LRIG1: variants seen among roughly 807,000 people sequenced by gnomAD.
LRIG1 encodes the protein leucine-rich repeats and immunoglobulin-like domains protein 1.
A neutral mutation model predicts 99.2 loss-of-function variants in LRIG1; 48 were observed. The ratio of observed to expected loss-of-function variants is 0.48; its 90% CI spans 0.38 to 0.62. LRIG1 has a LOEUF of 0.62. Ranked by LOEUF, LRIG1 falls within the 20% of genes least tolerant of loss-of-function variation. LRIG1 has a pLI of 0.00. For synonymous variants in LRIG1, 772 were observed against 596.1 expected, an observed-to-expected ratio of 1.29 and a Z score of -4.30; for missense variants, 1,646 against 1,434.4, an observed-to-expected ratio of 1.15 and a Z score of -2.38.
chr3:66,406,795 C>A (rs551583865), intron 8 of LRIG1, among the ~76,000 whole-genome samples: 1 of 152,166 alleles, frequency 6.6e-6, no homozygotes, highest in Non-Finnish European at 1.5e-5. Context: ...TGTTAACTGA[C>A]CCCCGACGAG....
At position 66,500,179 on chromosome 3, in the gene LRIG1, G is replaced by A; in HGVS notation, c.218+11C>T. The A allele has an allele frequency of 6.6e-7, 1 of 1,513,010 alleles. No individual in the cohort carries two copies. Among genetic ancestry groups the A allele is most frequent in the Non-Finnish European group, 8.8e-7 (1 of 1,136,222 alleles). 93.7% of individuals were successfully genotyped at this position (1,513,010 alleles called of 1,614,324 possible). A position where few individuals can be genotyped will look rare whatever the true frequency, so the allele number is the denominator to read the frequency against. On this transcript the variant is annotated intron_variant, in intron 1 of 18. Transcript: ENST00000273261. ...CCGGGGCGCAGAGAGGGCGGAAAGG[G>A]CGGCACTCACAGGCTCCGCGTCCAG...
At chr3:66,456,111 T>C (rs17044628) in intron 2 of LRIG1, among the ~76,000 whole-genome samples, 2,530 of 152,298 alleles carry the variant, frequency 0.017, 80 homozygotes, top group African/African-American at 0.057. Flanking sequence ...TCAACTCCAA[T>C]TGCACCCTTT....
At chr3:66,393,138 A>G (rs13068218) in intron 12 of LRIG1, among the ~76,000 whole-genome samples, 32,216 of 151,998 alleles carry the variant, frequency 0.21, 3,649 homozygotes, top group Admixed American at 0.28. Flanking sequence ...GGCTATTGCT[A>G]TGGCCAGAAA....
In LRIG1 at chr3:66,417,350, C is replaced by T. The variant is rs574356686; in HGVS notation, c.366-84G>A. The T allele has an allele frequency of 2.2e-6, 3 of 1,391,362 alleles. No homozygotes were observed. In the East Asian group the frequency reaches 6.9e-5, roughly 32 times the overall value. The allele number at this position is 1,391,362 out of a possible 1,614,324, so 86.2% of individuals were successfully genotyped here. A position where few individuals can be genotyped will look rare whatever the true frequency, so the allele number is the denominator to read the frequency against. On this transcript the variant is annotated intron_variant, in intron 3 of 18. Coordinates refer to ENST00000273261, the MANE Select transcript of LRIG1 (RefSeq NM_015541.3). Reference sequence around the variant, plus strand: ...ACTAGTATTCCTGCACCCCACCCCCCACCAATATAACTACAATGCAGTGAC... The same window carrying T: ...ACTAGTATTCCTGCACCCCACCCCCTACCAATATAACTACAATGCAGTGAC...
intron 9 of LRIG1, 54 bp downstream of exon 9, chr3:66,405,144 A>G (rs1191734853): frequency 6.6e-7 from 1 of 1,514,128 alleles, no homozygotes; most frequent in Non-Finnish European, 9.2e-7. Flanking sequence ...AACATCTCCC[A>G]CCCAAGTGTG....
At chr3:66,383,471 G>A (rs1353053418) in intron 14 of LRIG1, 70 bp from the exon 15 acceptor site, 2 of 1,322,764 alleles carry the variant, frequency 1.5e-6, no homozygotes, top group Admixed American at 4.6e-5. Flanking sequence ...CCGGTCTTCT[G>A]GACAACGGAC....
chr3:66,462,147 G>A (rs1188182662), intron 2 of LRIG1, among the ~76,000 whole-genome samples: 2 of 152,156 alleles, frequency 1.3e-5, no homozygotes, highest in African/African-American at 4.8e-5. Flanking sequence ...CCCAGGATGT[G>A]TCACTCCAGT....
chr3:66,381,746 G>A lies in LRIG1; in HGVS notation c.2618-115C>T. The A allele has an allele frequency of 2.6e-6, 3 of 1,153,768 alleles. 1 individual carries two copies. The highest frequency in any genetic ancestry group is 3.7e-6 in the Non-Finnish European group (3 of 811,666). 71.5% of individuals were successfully genotyped at this position (1,153,768 alleles called of 1,614,324 possible). On this transcript the variant is annotated intron_variant, in intron 16 of 18. Coordinates refer to ENST00000273261, the MANE Select transcript of LRIG1 (RefSeq NM_015541.3). ...GTCATTTTTTTTAAAAAGTTCTTCA[G>A]AGCGGTGGGGCTGCTGGTCTGGCAA...
intron 2 of LRIG1, among the ~76,000 whole-genome samples, chr3:66,461,821 C>T (rs1317512124): frequency 2.0e-5 from 3 of 152,220 alleles, no homozygotes; most frequent in Admixed American, 6.5e-5. Flanking sequence ...TTCCAAGACA[C>T]TGCAAGGGAC....
chr3:66,462,326 C>T, intron 2 of LRIG1, 112 bp downstream of exon 2: 1 of 756,600 alleles, frequency 1.3e-6, no homozygotes, highest in South Asian at 1.5e-5. Context: ...AATGTTCCTT[C>T]CTACAAGTTT....
intron 11 of LRIG1, 79 bp from the exon 12 acceptor site, chr3:66,394,282 C>G: frequency 8.1e-7 from 1 of 1,237,026 alleles, no homozygotes; most frequent in Non-Finnish European, 1.1e-6. Context: ...AATGATCAGT[C>G]GCCTCCAATC....
chr3:66,457,090 A>G (rs909344890), intron 2 of LRIG1, among the ~76,000 whole-genome samples: 2 of 152,096 alleles, frequency 1.3e-5, no homozygotes, highest in African/African-American at 4.8e-5. Flanking sequence ...CCTCCAGAAT[A>G]AAACCACTGC....
chr3:66,442,985 GA>G (rs148584450), intron 3 of LRIG1, among the ~76,000 whole-genome samples: 2 of 152,194 alleles, frequency 1.3e-5, no homozygotes, highest in African/African-American at 4.8e-5. Flanking sequence ...AAAAAGGAAA[GA>G]AAAGAGAGAA....
intron 6 of LRIG1, among the ~76,000 whole-genome samples, 168 bp from the exon 7 acceptor site, chr3:66,410,440 C>T (rs1182474608): frequency 4.6e-5 from 7 of 152,222 alleles, no homozygotes; most frequent in Non-Finnish European, 1.0e-4. Flanking sequence ...TGAGTAGGGG[C>T]TGGGAGAAGA....
intron 3 of LRIG1, among the ~76,000 whole-genome samples, chr3:66,440,943 C>T (rs772310649): frequency 6.6e-6 from 1 of 152,180 alleles, no homozygotes; most frequent in African/African-American, 2.4e-5. Context: ...TGCCCCCTCT[C>T]TATAAAGCCC....
At chr3:66,409,260 C>A (rs535082283) in intron 7 of LRIG1, among the ~76,000 whole-genome samples, 1 of 152,316 alleles carries the variant, frequency 6.6e-6, no homozygotes, top group East Asian at 1.9e-4. Context: ...GTAGACTAAA[C>A]TGGAGCATAT....
intron 7 of LRIG1, among the ~76,000 whole-genome samples, chr3:66,408,711 C>T (rs1056122564): frequency 1.1e-4 from 17 of 152,140 alleles, no homozygotes; most frequent in African/African-American, 4.1e-4. Context: ...CAGGAGTCCC[C>T]TGGTGGGGTC....
At chr3:66,483,723 C>A (rs1700902896) in intron 1 of LRIG1, among the ~76,000 whole-genome samples, 2 of 152,212 alleles carry the variant, frequency 1.3e-5, no homozygotes, top group Admixed American at 6.5e-5. Flanking sequence ...GCAGTGTCAA[C>A]TCTGGAAAAG....
intron 5 of LRIG1, among the ~76,000 whole-genome samples, 190 bp downstream of exon 5, chr3:66,414,730 C>A (rs1300183898): frequency 2.0e-5 from 3 of 152,184 alleles, no homozygotes; most frequent in African/African-American, 7.2e-5. Context: ...TTCTCAGCAA[C>A]CTGAAGCAGC....
Sources: allele counts gnomAD v4.1 joint callset (sites outside exome capture counted in the v4.1 genomes callset), GRCh38; gene constraint gnomAD v4.1.1; transcripts MANE v1.5; gene names NCBI Gene and HGNC (gene_info 2026-07-23, HGNC 2026-07-21).